The following PLCL2 variants were observed in gnomAD, a reference collection of about 807,000 sequenced individuals.
PLCL2 encodes the protein inactive phospholipase C-like protein 2.
PLCL2 carries 4 observed loss-of-function variants against 79.6 expected under a neutral mutation model. The ratio of observed to expected loss-of-function variants is 0.05; its 90% confidence interval spans 0.02 to 0.11. PLCL2 has a LOEUF of 0.11. Among genes scored for constraint, PLCL2 ranks in the 10% least tolerant of loss-of-function variants. The probability of loss-of-function intolerance (pLI) is 1.00; values close to 1 mark genes in which losing one functional copy is unlikely to be tolerated. For missense variants in PLCL2, 895 were observed against 1,291.0 expected (o/e 0.69, Z 4.70); for synonymous variants, 484 against 457.7 (o/e 1.06, Z -0.73).
chr3:16,986,855 A>G (rs2064055158), intron 1 of PLCL2, among the ~76,000 whole-genome samples: 1 of 152,176 alleles, frequency 6.6e-6, no homozygotes, highest in African/African-American at 2.4e-5. Context: ...TAGCCCGTCA[A>G]GTGTACCAGG....
chr3:16,902,849 A>AGTGC lies in PLCL2; in HGVS notation c.327+17487_327+17490dup, dbSNP rs1696656925. 7.2e-5 allele frequency among the ~76,000 whole-genome samples: 5 copies of AGTGC among 69,858 alleles called. 1 individual carries two copies. In the South Asian group the frequency reaches 2.9e-3, roughly 41 times the overall value. The allele number at this position is 69,858 out of a possible 152,430, so 45.8% of individuals were successfully genotyped here. On this transcript the variant is annotated intron_variant, in intron 1 of 5. Coordinates refer to ENST00000615277, the MANE Select transcript of PLCL2 (RefSeq NM_001144382.2). ...CTCAAAAAAAAAAAAAAAAAAATGC[A>AGTGC]GTGCGTGTGTGTGTGTGTGTGTGTG...
chr3:16,920,493 T>A (rs1398714731), intron 1 of PLCL2, among the ~76,000 whole-genome samples: 1 of 152,132 alleles, frequency 6.6e-6, no homozygotes, highest in Non-Finnish European at 1.5e-5. Flanking sequence ...TTATTGAGAA[T>A]CTGAACTGGA....
At chr3:17,059,961 G>A (rs2064932546) in intron 4 of PLCL2, among the ~76,000 whole-genome samples, 1 of 152,162 alleles carries the variant, frequency 6.6e-6, no homozygotes, top group Admixed American at 6.5e-5. Context: ...GAGCAGGAAA[G>A]TATCGATGTG....
chr3:17,018,298 A>G (rs1364720936), intron 3 of PLCL2, among the ~76,000 whole-genome samples: 1 of 152,190 alleles, frequency 6.6e-6, no homozygotes, highest in African/African-American at 2.4e-5. Flanking sequence ...CAAAAGCTGC[A>G]CATAGCAACC....
intron 1 of PLCL2, among the ~76,000 whole-genome samples, chr3:16,982,579 G>A (rs952020399): frequency 1.3e-5 from 2 of 152,206 alleles, no homozygotes; most frequent in African/African-American, 4.8e-5. Flanking sequence ...CTGGGATGGG[G>A]TGTTGCCTGG....
Position 17,071,906 on chromosome 3 carries a change from A to C in PLCL2, c.3204+3841A>C, listed in dbSNP as rs566520439. ...CAGTGGCACAATCTCGGCTCACTGC[A>C]ACCTCTGCCTCCTGGGTTCAAGTGA... On this transcript the variant is annotated intron_variant, in intron 5 of 5. Coordinates refer to ENST00000615277, the MANE Select transcript of PLCL2 (RefSeq NM_001144382.2). Among the ~76,000 whole-genome samples, 10 of 151,902 alleles carry C rather than the reference A, an allele frequency of 6.6e-5. No individual in the cohort carries two copies. In the East Asian group the frequency reaches 1.9e-3, roughly 29 times the overall value.
rs566562516 is a variant in PLCL2, at chr3:17,034,882, C to T, written c.3019-7992C>T. Reference sequence around the variant, plus strand: ...CTCAAGATCACCAAATGACCAGATCCGCAGCTTCCAATACTGTGGACTCAC... The same window carrying T: ...CTCAAGATCACCAAATGACCAGATCTGCAGCTTCCAATACTGTGGACTCAC... On this transcript the variant is annotated intron_variant, in intron 3 of 5. Transcript: ENST00000615277. Among the ~76,000 whole-genome samples, 206 of 143,806 alleles carry T rather than the reference C, an allele frequency of 1.4e-3. 4 individuals carry two copies. In the South Asian group the frequency reaches 0.045, roughly 31 times the overall value. The allele number at this position is 143,806 out of a possible 152,430, so 94.3% of individuals were successfully genotyped here.
At chr3:17,038,820 A>G (rs2064687559) in intron 3 of PLCL2, among the ~76,000 whole-genome samples, 1 of 152,178 alleles carries the variant, frequency 6.6e-6, no homozygotes, top group African/African-American at 2.4e-5. Flanking sequence ...CTTCGGATTG[A>G]AACGGCCTTT....
At chr3:17,069,860 G>A (rs2065046177) in intron 5 of PLCL2, among the ~76,000 whole-genome samples, 1 of 151,718 alleles carries the variant, frequency 6.6e-6, no homozygotes, top group Non-Finnish European at 1.5e-5. Flanking sequence ...TACCTATTTT[G>A]CTTATACTTT....
rs184731172 is a variant in PLCL2 at position 17,039,852 on chromosome 3, C to T, written c.3019-3022C>T. Among the ~76,000 whole-genome samples the T allele has an allele frequency of 5.5e-3, 841 of 152,236 alleles. 7 individuals carry two copies. Among genetic ancestry groups the T allele is most frequent in the Non-Finnish European group, 7.2e-3 (491 of 68,012 alleles). ...CATATTTTATATACTACTCATGAAT[C>T]GGGGGACGATATTCACTGTCATTAT... On this transcript the variant is annotated intron_variant, in intron 3 of 5. Transcript: ENST00000615277.
In PLCL2 at chr3:17,026,324, T is replaced by C. The variant is rs370866966; in HGVS notation, c.3018+11413T>C. ...ATTACCAATTAGCTGAAAACTAACA[T>C]GTTAAGGAGTTTAAAACATTTGTTT... On this transcript the variant is annotated intron_variant, in intron 3 of 5. Coordinates refer to ENST00000615277, the MANE Select transcript of PLCL2 (RefSeq NM_001144382.2). 5.9e-5 allele frequency among the ~76,000 whole-genome samples: 9 copies of C among 152,330 alleles called. 1 individual carries two copies. The highest frequency in any genetic ancestry group is 6.5e-5 in the Admixed American group (1 of 15,294).
intron 1 of PLCL2, among the ~76,000 whole-genome samples, chr3:16,903,103 G>C (rs181594545): frequency 2.0e-3 from 306 of 152,224 alleles, no homozygotes; most frequent in African/African-American, 5.5e-3. Context: ...ATGCCAGAGA[G>C]GGACGATTTT....
intron 1 of PLCL2, among the ~76,000 whole-genome samples, chr3:16,912,370 T>G (rs184159826): frequency 7.4e-4 from 113 of 152,332 alleles, no homozygotes; most frequent in Non-Finnish European, 1.6e-3. Flanking sequence ...TTCATGTGTT[T>G]GGACATCTGT....
intron 1 of PLCL2, among the ~76,000 whole-genome samples, chr3:16,950,516 G>A (rs991866963): frequency 1.3e-5 from 2 of 151,280 alleles, no homozygotes; most frequent in Non-Finnish European, 2.9e-5. Flanking sequence ...TCTTCATGTA[G>A]AGATTTTAAA....
At chr3:17,051,934 A>G (rs892392836) in intron 4 of PLCL2, among the ~76,000 whole-genome samples, 1 of 152,152 alleles carries the variant, frequency 6.6e-6, no homozygotes, top group African/African-American at 2.4e-5. Context: ...TTTTCCCCCA[A>G]GCACAATGTC....
At chr3:17,072,435 G>C (rs550143669) in intron 5 of PLCL2, among the ~76,000 whole-genome samples, 85 of 152,140 alleles carry the variant, frequency 5.6e-4, no homozygotes, top group African/African-American at 2.0e-3. Flanking sequence ...TTGGGAGGCC[G>C]AGCTGCATGG....
At chr3:17,039,286 G>A (rs1257185750) in intron 3 of PLCL2, among the ~76,000 whole-genome samples, 2 of 152,218 alleles carry the variant, frequency 1.3e-5, no homozygotes, top group East Asian at 3.9e-4. Flanking sequence ...ATTGATGGCA[G>A]AATGAAAGGG....
Position 17,010,209 on chromosome 3 carries a change from C to G in PLCL2, c.863C>G (p.Thr288Ser). Residue 288 changes from threonine to serine, a missense_variant, in exon 2 of 6, where the codon ACT becomes AGT. Transcript: ENST00000615277. The surrounding 1 kb of genome is among the most constrained non-coding windows in gnomAD (Gnocchi z 5.8). ...GATGTAGATAACCTTGGACATATAA[C>G]TCTGTGTAATGCTGTGCAATGTATC... Reference protein sequence around the residue: ...EIDVDNLGHITLCNAVQCIRN... With the variant: ...EIDVDNLGHISLCNAVQCIRN... 6.2e-7 allele frequency: 1 copy of G among 1,614,086 alleles called. No individual in the cohort carries two copies. Among genetic ancestry groups the G allele is most frequent in the Non-Finnish European group, 8.5e-7 (1 of 1,179,944 alleles).
chr3:17,005,816 ATTGT>A (rs1409643344), intron 1 of PLCL2, among the ~76,000 whole-genome samples: 7 of 152,134 alleles, frequency 4.6e-5, no homozygotes, highest in Admixed American at 3.9e-4. Flanking sequence ...CAGTCCGGAC[ATTGT>A]TTGTGTATTC....
Sources: allele counts gnomAD v4.1 joint callset (sites outside exome capture counted in the v4.1 genomes callset), GRCh38; gene constraint gnomAD v4.1.1; non-coding constraint Gnocchi (gnomAD v3.1); transcripts MANE v1.5; gene names NCBI Gene and HGNC (gene_info 2026-07-23, HGNC 2026-07-21).